The following VNN1 variants were observed in gnomAD, a reference collection of about 807,000 sequenced individuals.
VNN1 encodes the protein pantetheinase.
Under a neutral mutation model 41.9 loss-of-function variants are expected in VNN1, and 29 were observed. That is an observed-to-expected ratio of 0.69 (90% CI 0.52 to 0.94). VNN1 has a LOEUF of 0.94. Ranked by LOEUF, VNN1 falls within the 40% of genes least tolerant of loss-of-function variation. The pLI, the probability that VNN1 is intolerant of heterozygous loss-of-function variation, is 0.00. For synonymous variants in VNN1, 233 were observed against 224.4 expected, an observed-to-expected ratio of 1.04 and a Z score of -0.34; for missense variants, 637 against 621.1, an observed-to-expected ratio of 1.03 and a Z score of -0.27.
At position 132,685,653 on chromosome 6, in the gene VNN1, TC is replaced by T. The variant is rs1187240942; in HGVS notation, c.1189-1149del. Among the ~76,000 whole-genome samples, 6 of 151,776 alleles carry T rather than the reference TC, an allele frequency of 4.0e-5. No individual in the cohort carries two copies. The South Asian group carries it at 1.3e-3, about 32-fold the overall frequency. On this transcript the variant is annotated intron_variant, in intron 5 of 6. Transcript: ENST00000367928. ...AACTAGCAGTAGAAAGAGCCAAGAATCCCTATCTACACTGCAAAGCACTCAA... is the reference window on the plus strand; with the variant it reads ...AACTAGCAGTAGAAAGAGCCAAGAATCCTATCTACACTGCAAAGCACTCAA...
intron 2 of VNN1, among the ~76,000 whole-genome samples, chr6:132,696,770 G>A (rs1233468016): frequency 6.6e-6 from 1 of 151,004 alleles, no homozygotes; most frequent in Non-Finnish European, 1.5e-5. Context: ...TGAGAAGAAA[G>A]GAAAGAGAGA....
intron 5 of VNN1, among the ~76,000 whole-genome samples, chr6:132,686,688 C>T (rs1778214060): frequency 6.6e-6 from 1 of 152,096 alleles, no homozygotes; most frequent in African/African-American, 2.4e-5. Flanking sequence ...TCAGAATTTT[C>T]TATGAGTTTT....
In VNN1 at chr6:132,692,487, TGG is replaced by T; in HGVS notation, c.922_923del (p.Pro308IlefsTer26). On this transcript the variant is annotated frameshift_variant, in exon 5 of 7. Coordinates refer to ENST00000367928, the MANE Select transcript of VNN1 (RefSeq NM_004666.3). LOFTEE classifies it high-confidence loss of function. ...KLLLSQLDSHPSHSAVVNWTS... is the reference protein window; with the variant it reads ...KLLLSQLDSHXSHSAVVNWTS... ...TCCAGTTCACCACTGCAGAATGGGATGGGTGGGAATCCAGTTGCGAGAGGAGG... is the reference window on the plus strand; with the variant it reads ...TCCAGTTCACCACTGCAGAATGGGATGTGGGAATCCAGTTGCGAGAGGAGG... The T allele has an allele frequency of 6.2e-7, 1 of 1,613,898 alleles. No homozygotes were observed. The highest frequency in any genetic ancestry group is 1.1e-5 in the South Asian group (1 of 91,082).
rs748474647 is a variant in VNN1, at chr6:132,713,798, T to C, written c.210+28A>G. Reference sequence around the variant, plus strand: ...CCCCCTCCTTTCTCATAGAATCCAGTACACTGGAGAGATGGTAGAGATGGT... The same window carrying C: ...CCCCCTCCTTTCTCATAGAATCCAGCACACTGGAGAGATGGTAGAGATGGT... On this transcript the variant is annotated intron_variant, in intron 1 of 6. Coordinates refer to ENST00000367928, the MANE Select transcript of VNN1 (RefSeq NM_004666.3). 5 of 1,610,412 alleles carry C rather than the reference T, an allele frequency of 3.1e-6. No individual in the cohort carries two copies. The African/African-American group carries it at 5.3e-5, about 17-fold the overall frequency.
intron 2 of VNN1, among the ~76,000 whole-genome samples, chr6:132,707,161 G>A (rs1026274894): frequency 1.3e-5 from 2 of 150,990 alleles, no homozygotes; most frequent in African/African-American, 4.9e-5. Flanking sequence ...AGGAGGCAGA[G>A]GTTGCAGTGA....
chr6:132,695,239 A>G (rs976310121), intron 2 of VNN1, among the ~76,000 whole-genome samples: 6 of 152,136 alleles, frequency 3.9e-5, no homozygotes, highest in Admixed American at 3.3e-4. Flanking sequence ...TTTTCTCCCC[A>G]CCTAGATAAC....
At chr6:132,711,264 C>T (rs1778595256) in intron 2 of VNN1, among the ~76,000 whole-genome samples, 1 of 152,172 alleles carries the variant, frequency 6.6e-6, no homozygotes, top group African/African-American at 2.4e-5. Flanking sequence ...ACTTAAACCA[C>T]TTAAAATCCT....
At chr6:132,683,539 T>C (rs1247790777) in intron 6 of VNN1, among the ~76,000 whole-genome samples, 1 of 152,226 alleles carries the variant, frequency 6.6e-6, no homozygotes, top group African/African-American at 2.4e-5. Flanking sequence ...CAATGTCTTC[T>C]AATTTACTTA....
chr6:132,682,875 C>A lies in VNN1; in HGVS notation c.*265G>T. On this transcript the variant is annotated 3_prime_UTR_variant, in exon 7 of 7. Transcript: ENST00000367928. ...TTTCTACCCGTAGTTTTTATTTCTTCTGCGTAAAAGATTTGTGATACTTAT... is the reference window on the plus strand; with the variant it reads ...TTTCTACCCGTAGTTTTTATTTCTTATGCGTAAAAGATTTGTGATACTTAT... 9.1e-6 allele frequency: 2 copies of A among 220,686 alleles called. No homozygotes were observed. The highest frequency in any genetic ancestry group is 1.7e-5 in the Non-Finnish European group (2 of 114,748). 13.7% of individuals were successfully genotyped at this position (220,686 alleles called of 1,614,324 possible). A position where few individuals can be genotyped will look rare whatever the true frequency, so the allele number is the denominator to read the frequency against.
chr6:132,703,909 T>C (rs1052793952), intron 2 of VNN1, among the ~76,000 whole-genome samples: 3 of 152,150 alleles, frequency 2.0e-5, no homozygotes, highest in Admixed American at 2.0e-4. Flanking sequence ...GGGGTAGCTA[T>C]ATTTTTATCA....
Position 132,713,847 on chromosome 6 carries a change from C to T in VNN1, c.189G>A (p.Ala63=), listed in dbSNP as rs560182070. 81 of 1,612,894 alleles carry T rather than the reference C, an allele frequency of 5.0e-5. No individual in the cohort carries two copies. The highest frequency in any genetic ancestry group is 6.6e-5 in the Non-Finnish European group (78 of 1,180,024). ...MNRNLDILEG[A]ITSAADQGAH... ...GTACCTGATCTGCTGCTGATGTGAT[C>T]GCTCCTTCCAAAATGTCCAGATTCC... Residue 63 remains alanine (A), a synonymous_variant, in exon 1 of 7, where the codon GCG becomes GCA. Coordinates refer to ENST00000367928, the MANE Select transcript of VNN1 (RefSeq NM_004666.3).
At chr6:132,707,420 G>T (rs533905630) in intron 2 of VNN1, among the ~76,000 whole-genome samples, 1 of 152,094 alleles carries the variant, frequency 6.6e-6, no homozygotes, top group Non-Finnish European at 1.5e-5. Flanking sequence ...GCCACCATAC[G>T]ATCCAGCAAT....
intron 1 of VNN1, among the ~76,000 whole-genome samples, chr6:132,712,680 T>C (rs1372415752): frequency 6.6e-6 from 1 of 152,176 alleles, no homozygotes; most frequent in Non-Finnish European, 1.5e-5. Flanking sequence ...CACAAACTGG[T>C]TACTTGAACT....
intron 2 of VNN1, among the ~76,000 whole-genome samples, chr6:132,705,280 T>C (rs1778503531): frequency 6.6e-6 from 1 of 151,992 alleles, no homozygotes; most frequent in South Asian, 2.1e-4. Flanking sequence ...CTCAACAAAA[T>C]ACTAGCAAAC....
intron 5 of VNN1, among the ~76,000 whole-genome samples, chr6:132,686,906 C>A (rs563318031): frequency 1.3e-5 from 2 of 151,986 alleles, no homozygotes; most frequent in East Asian, 3.9e-4. Flanking sequence ...AAAAAGAGTT[C>A]TTGGAAATTA....
chr6:132,685,969 G>C (rs535800555), intron 5 of VNN1, among the ~76,000 whole-genome samples: 1 of 152,182 alleles, frequency 6.6e-6, no homozygotes, highest in African/African-American at 2.4e-5. Context: ...ACCTTGCAAG[G>C]CCATTTTCCT....
chr6:132,703,559 T>C (rs1406945532), intron 2 of VNN1, among the ~76,000 whole-genome samples: 1 of 151,690 alleles, frequency 6.6e-6, no homozygotes, highest in Non-Finnish European at 1.5e-5. Flanking sequence ...CTACAACAGA[T>C]ACACAAAAAA....
chr6:132,696,216 G>T (rs1778369617), intron 2 of VNN1, among the ~76,000 whole-genome samples: 1 of 152,108 alleles, frequency 6.6e-6, no homozygotes, highest in African/African-American at 2.4e-5. Context: ...AGGATTCGAA[G>T]ACCAATTCAG....
chr6:132,693,213 C>G lies in VNN1; in HGVS notation c.637G>C (p.Asp213His), dbSNP rs749606343. ...FGSFGIFTCF[D>H]ILFHDPAVTL... ...ACAGCAGGATCATGGAAGAGTATATCAAAGCATGTGAAAATGCCAAAACTT... is the reference window on the plus strand; with the variant it reads ...ACAGCAGGATCATGGAAGAGTATATGAAAGCATGTGAAAATGCCAAAACTT... The change falls in exon 4 of 7, where the codon GAT becomes CAT. Residue 213 changes from aspartate to histidine, a missense_variant. By Grantham distance (81) the Asp-to-His change is moderately conservative (BLOSUM62 -1). Coordinates refer to ENST00000367928, the MANE Select transcript of VNN1 (RefSeq NM_004666.3). The G allele has an allele frequency of 3.1e-6, 5 of 1,614,070 alleles. No individual in the cohort carries two copies. In the Admixed American group the frequency reaches 8.3e-5, roughly 27 times the overall value.
Sources: allele counts gnomAD v4.1 joint callset (sites outside exome capture counted in the v4.1 genomes callset), GRCh38; gene constraint gnomAD v4.1.1; transcripts MANE v1.5; gene names NCBI Gene and HGNC (gene_info 2026-07-23, HGNC 2026-07-21).